Variants in WDPCP observed in about 807,000 individuals in gnomAD.
The protein encoded by WDPCP is WD repeat-containing and planar cell polarity effector protein fritz homolog.
A neutral mutation model predicts 93.1 loss-of-function variants in WDPCP; 71 were observed. The ratio of observed to expected loss-of-function variants is 0.76; its 90% CI spans 0.63 to 0.93. WDPCP has a LOEUF of 0.93. Among genes scored for constraint, WDPCP ranks in the 40% least tolerant of loss-of-function variants. The pLI, the probability that WDPCP is intolerant of heterozygous loss-of-function variation, is 0.00. For missense variants in WDPCP, 844 were observed against 887.4 expected (o/e 0.95, Z 0.62); for synonymous variants, 315 against 315.0 (o/e 1.00, Z 0.00).
intron 17 of WDPCP, among the ~76,000 whole-genome samples, chr2:63,143,787 A>G (rs1001784705): frequency 6.6e-6 from 1 of 152,238 alleles, no homozygotes; most frequent in African/African-American, 2.4e-5. Context: ...TCTAGCTTGT[A>G]GGGGTTCTGC....
At chr2:63,740,086 A>G (rs1235478593) in intron 2 of WDPCP, among the ~76,000 whole-genome samples, 1 of 152,140 alleles carries the variant, frequency 6.6e-6, no homozygotes, top group Non-Finnish European at 1.5e-5. Context: ...TCATTCTACT[A>G]TTGATGAGCA....
At chr2:63,696,391 G>A (rs1668960996) in intron 2 of WDPCP, among the ~76,000 whole-genome samples, 1 of 152,152 alleles carries the variant, frequency 6.6e-6, no homozygotes, top group African/African-American at 2.4e-5. Flanking sequence ...AAATTTTTCT[G>A]TCATTCCCTC....
At chr2:63,571,365 A>G (rs771312013) in intron 1 of WDPCP, 10 of 458,914 alleles carry the variant, frequency 2.2e-5, no homozygotes, top group South Asian at 1.4e-4. Context: ...ATATTTACCC[A>G]TATACTTACC....
intron 2 of WDPCP, among the ~76,000 whole-genome samples, chr2:63,488,832 A>G (rs1299388244): frequency 6.6e-6 from 1 of 151,956 alleles, no homozygotes; most frequent in African/African-American, 2.4e-5. Context: ...GATCATAAAG[A>G]ATCCTGAATT....
chr2:63,213,194 T>A (rs899324016), intron 14 of WDPCP, among the ~76,000 whole-genome samples: 2 of 152,118 alleles, frequency 1.3e-5, no homozygotes, highest in African/African-American at 4.8e-5. Context: ...CACATCGCAC[T>A]TTTTCCAAAA....
At chr2:63,558,527 CAAAAAAAAAAA>C (rs57582852) in intron 1 of WDPCP, among the ~76,000 whole-genome samples, 1 of 143,256 alleles carries the variant, frequency 7.0e-6, no homozygotes, top group Non-Finnish European at 1.6e-5. Flanking sequence ...GACTCTGTCT[CAAAAAAAAAAA>C]AAAAAAAGAA....
chr2:63,728,829 C>T (rs1669522906), intron 2 of WDPCP, among the ~76,000 whole-genome samples: 1 of 152,142 alleles, frequency 6.6e-6, no homozygotes, highest in Non-Finnish European at 1.5e-5. Context: ...AATATACAGT[C>T]TCATGAACAT....
At chr2:63,536,678 C>T (rs541842712) in intron 1 of WDPCP, among the ~76,000 whole-genome samples, 2 of 147,848 alleles carry the variant, frequency 1.4e-5, no homozygotes, top group East Asian at 2.0e-4. Context: ...TGCATCAGAA[C>T]ATAAGACGGA....
chr2:63,390,445 G>A (rs1264012984), intron 10 of WDPCP, among the ~76,000 whole-genome samples: 1 of 152,118 alleles, frequency 6.6e-6, no homozygotes, highest in Non-Finnish European at 1.5e-5. Flanking sequence ...TCAAGAGAAA[G>A]CAGCAAAGAT....
intron 14 of WDPCP, chr2:63,229,270 G>T (rs1405054767): frequency 2.0e-5 from 3 of 151,822 alleles, no homozygotes. Context: ...GCCCACTTTT[G>T]GATGGGGTTG....
rs572265819 is a variant in WDPCP at position 63,156,231 on chromosome 2, G to A, written c.2079-2657C>T. ...TTGCCCAGGCTGGTCTCGAACTCCT[G>A]ACCTCATGTGATCCGCCCTCCTAGG... On this transcript the variant is annotated intron_variant, in intron 15 of 17. Transcript: ENST00000272321. 9.9e-5 allele frequency among the ~76,000 whole-genome samples: 15 copies of A among 151,898 alleles called. No individual in the cohort carries two copies. The South Asian group carries it at 3.1e-3, about 32-fold the overall frequency.
chr2:63,405,829 G>C, intron 9 of WDPCP, among the ~76,000 whole-genome samples: 1 of 151,684 alleles, frequency 6.6e-6, no homozygotes, highest in East Asian at 1.9e-4. Context: ...GTCAGACCCA[G>C]AAATATTAAA....
intron 14 of WDPCP, among the ~76,000 whole-genome samples, chr2:63,239,861 C>G (rs866982744): frequency 1.1e-4 from 17 of 152,084 alleles, no homozygotes; most frequent in Middle Eastern, 3.4e-3. Flanking sequence ...AGCAATTTCC[C>G]CTCTAAGGAA....
chr2:63,530,825 C>A (rs1169405045), intron 1 of WDPCP, among the ~76,000 whole-genome samples: 1 of 152,198 alleles, frequency 6.6e-6, no homozygotes. Flanking sequence ...GTACCGTGTT[C>A]ATCTCACTGG....
chr2:63,130,511 C>T (rs1432569614), intron 17 of WDPCP, among the ~76,000 whole-genome samples: 1 of 152,044 alleles, frequency 6.6e-6, no homozygotes, highest in Non-Finnish European at 1.5e-5. Flanking sequence ...ATTACTGTAG[C>T]TTTGTAGTAA....
At chr2:63,166,124 TG>T in intron 15 of WDPCP, among the ~76,000 whole-genome samples, 1 of 151,186 alleles carries the variant, frequency 6.6e-6, no homozygotes, top group East Asian at 2.0e-4. Context: ...TGGAGTGCAA[TG>T]ACGCAGTCTA....
In WDPCP at chr2:63,453,146, C is replaced by G. The variant is rs1400427874; in HGVS notation, c.385-13275G>C. Among the ~76,000 whole-genome samples, 6 of 152,188 alleles carry G rather than the reference C, an allele frequency of 3.9e-5. 1 individual carries two copies. Among genetic ancestry groups the G allele is most frequent in the Admixed American group, 1.3e-4 (2 of 15,278 alleles). On this transcript the variant is annotated intron_variant, in intron 6 of 17. Transcript: ENST00000272321. ...CACAGCAAAAGAAACTACCATCAGA[C>G]TGAACAGGCAACCTACAGAATGGGA... is the stretch of plus-strand genomic sequence containing the variant.
chr2:63,231,761 T>C (rs1678908395), intron 14 of WDPCP, among the ~76,000 whole-genome samples: 1 of 152,090 alleles, frequency 6.6e-6, no homozygotes. Flanking sequence ...CTGCCCAAGG[T>C]AATTTATAGA....
chr2:63,232,525 GTGATGTCCAAACCTTGAAGTTAT>G (rs1347008021), intron 14 of WDPCP: 1 of 152,370 alleles, frequency 6.6e-6, no homozygotes, highest in Non-Finnish European at 1.5e-5. Context: ...ACTGCGAAAT[GTGATGTCCAAACCTTGAAGTTAT>G]TGAACTAGAA....
Sources: gnomAD v4.1 joint callset for allele counts (sites outside exome capture counted in the v4.1 genomes callset) on GRCh38, gnomAD v4.1.1 for gene constraint, MANE v1.5 for transcripts, NCBI Gene and HGNC (gene_info 2026-07-23, HGNC 2026-07-21) for gene names.